OAS1: variants seen among roughly 807,000 people sequenced by gnomAD.
The protein encoded by OAS1 is 2'-5'-oligoadenylate synthetase 1, also known as 2'-5'-oligoadenylate synthase 1.
In OAS1, 24 loss-of-function variants were observed where a neutral mutation model predicts 38.5. The ratio of observed to expected loss-of-function variants is 0.62; its 90% CI spans 0.45 to 0.88. The LOEUF is 0.88. Among genes scored for constraint, OAS1 ranks in the 40% least tolerant of loss-of-function variants. The probability of loss-of-function intolerance (pLI) is 0.00; values close to 1 mark genes in which losing one functional copy is unlikely to be tolerated. For synonymous variants in OAS1, 169 were observed against 193.9 expected, an observed-to-expected ratio of 0.87 and a Z score of 1.07; for missense variants, 482 against 493.9, an observed-to-expected ratio of 0.98 and a Z score of 0.23.
At chr12:112,919,308 A>G in intron 5 of OAS1, 81 bp from the exon 6 acceptor site, 1 of 1,279,024 alleles carries the variant, frequency 7.8e-7, no homozygotes, top group Non-Finnish European at 1.1e-6. Context: ...GGCATGTCAC[A>G]GTGTCTACCG....
downstream of OAS1, among the ~76,000 whole-genome samples, chr12:112,921,181 A>G (rs1385338695): frequency 6.6e-6 from 1 of 152,190 alleles, no homozygotes; most frequent in Non-Finnish European, 1.5e-5. Flanking sequence ...TACTGATTCA[A>G]ATGTGAATCT....
downstream of OAS1, among the ~76,000 whole-genome samples, chr12:112,922,781 G>A (rs79035039): frequency 2.2e-4 from 34 of 152,324 alleles, no homozygotes; most frequent in East Asian, 4.6e-3. Context: ...CAGCTCCACA[G>A]CAATTCTGGA....
intron 5 of OAS1, chr12:112,917,975 G>A: frequency 7.3e-7 from 1 of 1,367,874 alleles, no homozygotes; most frequent in Non-Finnish European, 9.5e-7. Flanking sequence ...TCGGGCTCAG[G>A]TTCTGTCCTA....
downstream of OAS1, among the ~76,000 whole-genome samples, chr12:112,924,786 T>C (rs1409218095): frequency 6.6e-6 from 1 of 152,138 alleles, no homozygotes; most frequent in Non-Finnish European, 1.5e-5. Flanking sequence ...TAAAGACACT[T>C]TTCTTGCACA....
At chr12:112,932,449 G>C (rs113019205), downstream of OAS1, 1 of 152,684 alleles carries the variant, frequency 6.5e-6, no homozygotes, top group Non-Finnish European at 1.5e-5. Context: ...AAAATTAGCC[G>C]GGCATCAATG....
chr12:112,914,459 G>C (rs914581394), intron 3 of OAS1, among the ~76,000 whole-genome samples: 1 of 152,188 alleles, frequency 6.6e-6, no homozygotes, highest in African/African-American at 2.4e-5. Context: ...TAGATACCTA[G>C]TAGTGGGATT....
chr12:112,908,012 C>T (rs1018938486), intron 1 of OAS1, among the ~76,000 whole-genome samples: 3 of 152,218 alleles, frequency 2.0e-5, no homozygotes, highest in South Asian at 2.1e-4. Context: ...AAGCATAAAG[C>T]GCTGCTTCTC....
At chr12:112,923,469 A>G (rs1215031489), downstream of OAS1, among the ~76,000 whole-genome samples, 2 of 152,200 alleles carry the variant, frequency 1.3e-5, no homozygotes, top group Non-Finnish European at 2.9e-5. Context: ...AATTAGTGAT[A>G]TTGAGTATAT....
chr12:112,912,382 C>T (rs1053842311), intron 3 of OAS1, among the ~76,000 whole-genome samples: 1 of 152,088 alleles, frequency 6.6e-6, no homozygotes, highest in African/African-American at 2.4e-5. Flanking sequence ...GAATTTGGGT[C>T]TATTGACTTA....
chr12:112,931,472 C>T (rs1253023272), intron 6 of OAS1, among the ~76,000 whole-genome samples: 7 of 152,078 alleles, frequency 4.6e-5, no homozygotes, highest in African/African-American at 9.7e-5. Flanking sequence ...AGGATTTGTA[C>T]GAAGATTAAA....
Position 112,916,530 on chromosome 12 carries a change from C to G in OAS1, c.676C>G (p.Leu226Val). ...TCAGTGTAAGAAGAAGCTTGGGAAG[C>G]TGCCACCTCAGTATGCCCTGGAGCT... The part of the protein sequence containing the change: ...YQNCKKKLGK[L>V]PPQYALELLT... Residue 226 changes from leucine to valine, a missense_variant, in exon 4 of 6, where the codon CTG becomes GTG. Coordinates refer to ENST00000202917, the MANE Select transcript of OAS1 (RefSeq NM_016816.4). 1 of 1,614,118 alleles carries G rather than the reference C, an allele frequency of 6.2e-7. No homozygotes were observed. Among genetic ancestry groups the G allele is most frequent in the Non-Finnish European group, 8.5e-7 (1 of 1,179,982 alleles).
At chr12:112,917,906 A>T in intron 5 of OAS1, 3 of 1,456,488 alleles carry the variant, frequency 2.1e-6, no homozygotes, top group South Asian at 2.9e-5. Context: ...CTTGTCCAGA[A>T]TTCATTCCCC....
At chr12:112,924,579 A>G (rs2043547929), downstream of OAS1, among the ~76,000 whole-genome samples, 1 of 152,014 alleles carries the variant, frequency 6.6e-6, no homozygotes, top group African/African-American at 2.4e-5. Flanking sequence ...TTTTCCCTGC[A>G]GAGGTCTTTC....
At chr12:112,912,614 C>G (rs977281126) in intron 3 of OAS1, among the ~76,000 whole-genome samples, 1 of 152,204 alleles carries the variant, frequency 6.6e-6, no homozygotes, top group Non-Finnish European at 1.5e-5. Flanking sequence ...ACAAAAGCAG[C>G]ACTGCCCCCA....
chr12:112,908,844 T>G lies in OAS1; in HGVS notation c.469+20T>G. On this transcript the variant is annotated intron_variant, in intron 2 of 5. Coordinates refer to ENST00000202917, the MANE Select transcript of OAS1 (RefSeq NM_016816.4). ...CCCTGGGTGAGAGCTCCCAGCTTCT[T>G]TTTCTCCCTCTTCCCATTTCTGAGC... 1 of 1,549,314 alleles carries G rather than the reference T, an allele frequency of 6.5e-7. No homozygotes were observed. Among genetic ancestry groups the G allele is most frequent in the Non-Finnish European group, 8.7e-7 (1 of 1,150,108 alleles).
intron 3 of OAS1, among the ~76,000 whole-genome samples, chr12:112,911,571 CAG>C (rs2136304385): frequency 6.6e-6 from 1 of 152,226 alleles, no homozygotes; most frequent in East Asian, 1.9e-4. Flanking sequence ...CACACACACA[CAG>C]AGAGAGAGTC....
intron 6 of OAS1, among the ~76,000 whole-genome samples, chr12:112,929,177 C>T (rs1409273058): frequency 6.6e-6 from 1 of 152,222 alleles, no homozygotes; most frequent in African/African-American, 2.4e-5. Context: ...CCAAATGAAG[C>T]CCATCCTGCC....
At chr12:112,914,441 C>A (rs2043426525) in intron 3 of OAS1, among the ~76,000 whole-genome samples, 1 of 152,128 alleles carries the variant, frequency 6.6e-6, no homozygotes, top group Admixed American at 6.5e-5. Flanking sequence ...GACTTCTTTT[C>A]CTCTGGGTAG....
downstream of OAS1, among the ~76,000 whole-genome samples, chr12:112,924,766 C>T (rs112642400): frequency 8.6e-5 from 13 of 151,798 alleles, 1 homozygote; most frequent in South Asian, 2.1e-4. Context: ...TCTGTGGCCA[C>T]GGGAAATAAT....
Sources: allele counts gnomAD v4.1 joint callset (sites outside exome capture counted in the v4.1 genomes callset), GRCh38; gene constraint gnomAD v4.1.1; transcripts MANE v1.5; gene names NCBI Gene and HGNC (gene_info 2026-07-23, HGNC 2026-07-21).